SPTAN1: variants seen among roughly 807,000 people sequenced by gnomAD.
The protein encoded by SPTAN1 is spectrin alpha, non-erythrocytic 1.
In SPTAN1, 61 loss-of-function variants were observed where a neutral mutation model predicts 331.3. The ratio of observed to expected loss-of-function variants is 0.18; its 90% CI spans 0.15 to 0.23. SPTAN1 has a LOEUF of 0.23. Among genes scored for constraint, SPTAN1 ranks in the 10% least tolerant of loss-of-function variants. The pLI, the probability that SPTAN1 is intolerant of heterozygous loss-of-function variation, is 1.00. For missense variants in SPTAN1, 2,043 were observed against 3,147.9 expected, an observed-to-expected ratio of 0.65 and a Z score of 8.40; for synonymous variants, 1,153 against 1,173.9, an observed-to-expected ratio of 0.98 and a Z score of 0.36.
At chr9:128,573,125 T>C (rs1850920400) in intron 3 of SPTAN1, among the ~76,000 whole-genome samples, 1 of 152,254 alleles carries the variant, frequency 6.6e-6, no homozygotes. Flanking sequence ...GTTTTACTTA[T>C]GTCTGTCAGT....
In SPTAN1 at chr9:128,552,591, C is replaced by G. The variant is rs910900443; in HGVS notation, c.-109C>G. On this transcript the variant is annotated 5_prime_UTR_variant, in exon 1 of 57. Transcript: ENST00000372739. This position sits in a 1 kb window ranked among gnomAD's most constrained non-coding sequence, Gnocchi z 4.6. ...AGGCGGGGCGCGCGCGTCGCCGCCACTACCCGCTGCGGAGTGAACGGTGTG... is the reference window on the plus strand; with the variant it reads ...AGGCGGGGCGCGCGCGTCGCCGCCAGTACCCGCTGCGGAGTGAACGGTGTG... 6.6e-6 allele frequency: 1 copy of G among 151,442 alleles called. No homozygotes were observed. The highest frequency in any genetic ancestry group is 2.4e-5 in the African/African-American group (1 of 41,292). The allele number at this position is 151,442 out of a possible 1,614,324, so 9.4% of individuals were successfully genotyped here. A position where few individuals can be genotyped will look rare whatever the true frequency, so the allele number is the denominator to read the frequency against.
chr9:128,601,589 A>G (rs566735758), intron 27 of SPTAN1, among the ~76,000 whole-genome samples: 1 of 152,332 alleles, frequency 6.6e-6, no homozygotes, highest in East Asian at 1.9e-4. Flanking sequence ...TAAAAAGAAG[A>G]AGAAAAAAAG....
Position 128,625,025 on chromosome 9 carries a change from G to T in SPTAN1, c.5993-78G>T. The T allele has an allele frequency of 2.1e-6, 3 of 1,398,924 alleles. No individual in the cohort carries two copies. Among genetic ancestry groups the T allele is most frequent in the Non-Finnish European group, 3.0e-6 (3 of 985,240 alleles). 86.7% of individuals were successfully genotyped at this position (1,398,924 alleles called of 1,614,324 possible). ...TTTATCTGTACACAAAAAATGGTTT[G>T]TCTGGGTTTTGATGTTTTTCCTTTC... On this transcript the variant is annotated intron_variant, in intron 46 of 56. Coordinates refer to ENST00000372739, the MANE Select transcript of SPTAN1 (RefSeq NM_001130438.3). This position sits in a 1 kb window ranked among gnomAD's most constrained non-coding sequence, Gnocchi z 4.1.
intron 2 of SPTAN1, among the ~76,000 whole-genome samples, chr9:128,567,861 A>G (rs1850217244): frequency 1.3e-5 from 2 of 151,976 alleles, no homozygotes; most frequent in Non-Finnish European, 2.9e-5. Flanking sequence ...CCCAGATTCA[A>G]GTGATTCTCC....
intron 51 of SPTAN1, chr9:128,628,910 C>T (rs1859221643): frequency 2.6e-6 from 1 of 383,600 alleles, no homozygotes; most frequent in South Asian, 1.5e-4. Context: ...ACGCTCCCCT[C>T]ACCTTATGGC....
chr9:128,632,119 C>T lies in SPTAN1; in HGVS notation c.6763-8C>T, dbSNP rs761978444. On this transcript the variant is annotated splice_region_variant and splice_polypyrimidine_tract_variant and intron_variant, in intron 52 of 56. Coordinates refer to ENST00000372739, the MANE Select transcript of SPTAN1 (RefSeq NM_001130438.3). ...CCGTCTGAGCATCTGTGCTCCCCAC[C>T]CCTGCAGCGCAAGCACCAGGAAATC... 8.7e-6 allele frequency: 14 copies of T among 1,612,722 alleles called. No homozygotes were observed. In the African/African-American group the frequency reaches 1.9e-4, roughly 22 times the overall value.
chr9:128,604,163 C>T (rs1433043074), intron 28 of SPTAN1, among the ~76,000 whole-genome samples, 163 bp from the exon 29 acceptor site: 1 of 152,214 alleles, frequency 6.6e-6, no homozygotes, highest in African/African-American at 2.4e-5. Context: ...TGGCTTGGCT[C>T]TTACTGGAAT....
At chr9:128,573,975 G>C (rs1851017854) in intron 3 of SPTAN1, among the ~76,000 whole-genome samples, 1 of 152,022 alleles carries the variant, frequency 6.6e-6, no homozygotes, top group Non-Finnish European at 1.5e-5. Context: ...GACTGGTCTT[G>C]AACTCCTGAC....
intron 28 of SPTAN1, 87 bp from the exon 29 acceptor site, chr9:128,604,239 C>A: frequency 1.5e-6 from 2 of 1,359,376 alleles, no homozygotes; most frequent in East Asian, 2.4e-5. Context: ...CTAGCATCTC[C>A]TTCAAACAAA....
rs1244278345 is a variant in SPTAN1 at position 128,568,892 on chromosome 9, A to T, written c.358A>T (p.Ile120Leu). 1 of 1,613,966 alleles carries T rather than the reference A, an allele frequency of 6.2e-7. No individual in the cohort carries two copies. The highest frequency in any genetic ancestry group is 8.5e-7 in the Non-Finnish European group (1 of 1,179,960). The change falls in exon 3 of 57, where the codon ATA becomes TTA. Residue 120 changes from isoleucine to leucine, a missense_variant. By Grantham distance (5) the Ile-to-Leu change is conservative (BLOSUM62 2). Coordinates refer to ENST00000372739, the MANE Select transcript of SPTAN1 (RefSeq NM_001130438.3). ...AGAAGGGCATTTTGCATCTGAAACC[A>T]TACGGGTGAGTATGAGTAGCTCGTG... ...ISEGHFASET[I>L]RTRLMELHRQ...
At position 128,582,357 on chromosome 9, in the gene SPTAN1, A is replaced by G. The variant is rs140301253; in HGVS notation, c.1573-122A>G. ...AAATGTCATCACCAACCTTTGGGTG[A>G]AAACCTTGACCTATGTTAAAGTTTG... On this transcript the variant is annotated intron_variant, in intron 12 of 56. Transcript: ENST00000372739. 3.0e-5 allele frequency: 26 copies of G among 872,744 alleles called. No individual in the cohort carries two copies. In the East Asian group the frequency reaches 3.9e-4, roughly 13 times the overall value. 54.1% of individuals were successfully genotyped at this position (872,744 alleles called of 1,614,324 possible).
chr9:128,624,166 G>A (rs566269345), intron 45 of SPTAN1, among the ~76,000 whole-genome samples, 162 bp from the exon 46 acceptor site: 20 of 147,238 alleles, frequency 1.4e-4, no homozygotes, highest in African/African-American at 3.7e-4. Context: ...GCCTTTGACC[G>A]CATTGCTCTT....
rs1303267675 is a variant in SPTAN1 at position 128,633,167 on chromosome 9, T to C, written c.7309-42T>C. On this transcript the variant is annotated intron_variant, in intron 56 of 56. Transcript: ENST00000372739. ...CCTGGGAGGTCGGGTTTGAAGTGGG[T>C]GCAGCTGGCTCAGGCACCAGGTGCC... 6.2e-6 allele frequency: 10 copies of C among 1,613,340 alleles called. No individual in the cohort carries two copies. In the East Asian group the frequency reaches 2.0e-4, roughly 32 times the overall value.
intron 1 of SPTAN1, among the ~76,000 whole-genome samples, chr9:128,563,547 C>T (rs1485399639): frequency 6.6e-6 from 1 of 152,118 alleles, no homozygotes; most frequent in Non-Finnish European, 1.5e-5. Context: ...CTTTATTTGC[C>T]ATTCTTGTCA....
rs933684204 is a variant in SPTAN1 at position 128,587,770 on chromosome 9, C to T, written c.2871+72C>T. Reference sequence around the variant, plus strand: ...ACTCAGATACTGTCAGCAGGTGTTCCTATCATAGGCCCCATTTGACTCTGC... The same window carrying T: ...ACTCAGATACTGTCAGCAGGTGTTCTTATCATAGGCCCCATTTGACTCTGC... On this transcript the variant is annotated intron_variant, in intron 20 of 56. Coordinates refer to ENST00000372739, the MANE Select transcript of SPTAN1 (RefSeq NM_001130438.3). The T allele has an allele frequency of 2.0e-5, 25 of 1,232,088 alleles. No individual in the cohort carries two copies. The African/African-American group carries it at 3.4e-4, about 17-fold the overall frequency. The allele number at this position is 1,232,088 out of a possible 1,614,324, so 76.3% of individuals were successfully genotyped here.
chr9:128,587,997 C>CA (rs2131247774), intron 20 of SPTAN1, among the ~76,000 whole-genome samples: 1 of 148,582 alleles, frequency 6.7e-6, no homozygotes, highest in Non-Finnish European at 1.5e-5. Context: ...AGGTGTTCAC[C>CA]ACCATGCCCA....
At chr9:128,594,421 G>A (rs766460093) in intron 24 of SPTAN1, 48 bp downstream of exon 24, 5 of 1,005,490 alleles carry the variant, frequency 5.0e-6, no homozygotes, top group Non-Finnish European at 7.5e-6. Flanking sequence ...AAAGATTTGA[G>A]TCTCTTGATT....
chr9:128,561,015 C>CA (rs10648319), intron 1 of SPTAN1, among the ~76,000 whole-genome samples: 9,669 of 60,288 alleles, frequency 0.16, 1,446 homozygotes, highest in East Asian at 0.42. Flanking sequence ...GACCCCATCT[C>CA]AAAAAAAAAA....
intron 5 of SPTAN1, among the ~76,000 whole-genome samples, chr9:128,575,875 G>A (rs185148066): frequency 2.9e-4 from 44 of 152,208 alleles, no homozygotes; most frequent in African/African-American, 1.0e-3. Context: ...CTTCCACTAC[G>A]AGTCCAAAGG....
Sources: allele counts gnomAD v4.1 joint callset (sites outside exome capture counted in the v4.1 genomes callset), GRCh38; gene constraint gnomAD v4.1.1; non-coding constraint Gnocchi (gnomAD v3.1); transcripts MANE v1.5; gene names NCBI Gene and HGNC (gene_info 2026-07-23, HGNC 2026-07-21).